UBE3B: variants seen among roughly 807,000 people sequenced by gnomAD.
UBE3B encodes ubiquitin-protein ligase E3B.
A neutral mutation model predicts 132.3 loss-of-function variants in UBE3B; 80 were observed. The ratio of observed to expected loss-of-function variants is 0.60; its 90% CI spans 0.50 to 0.73. UBE3B has a LOEUF of 0.73. UBE3B is among the 30% of genes least tolerant of loss of function. UBE3B has a pLI of 0.00. For missense variants in UBE3B, 1,196 were observed against 1,362.5 expected, an observed-to-expected ratio of 0.88 and a Z score of 1.92; for synonymous variants, 487 against 520.4, an observed-to-expected ratio of 0.94 and a Z score of 0.87.
In UBE3B at chr12:109,524,502, A is replaced by G; in HGVS notation, c.2567A>G (p.Gln856Arg). Residue 856 changes from glutamine (Q) to arginine (R), a missense_variant and splice_region_variant, in exon 23 of 28, where the codon CAG (glutamine) becomes CGG (arginine). Coordinates refer to ENST00000342494, the MANE Select transcript of UBE3B (RefSeq NM_130466.4). ...TLSYDEDVMG[Q>R]LVCHELIPGG... ...TCTTACGACGAGGACGTCATGGGTCAGGTAGGTCCGCCCTTTGGCTGAGCT... is the reference window on the plus strand; with the variant it reads ...TCTTACGACGAGGACGTCATGGGTCGGGTAGGTCCGCCCTTTGGCTGAGCT... 1 of 1,614,062 alleles carries G rather than the reference A, an allele frequency of 6.2e-7. No homozygotes were observed. The highest frequency in any genetic ancestry group is 1.1e-5 in the South Asian group (1 of 91,066).
intron 15 of UBE3B, 39 bp downstream of exon 15, chr12:109,507,774 A>G (rs1218368490): frequency 1.3e-6 from 2 of 1,588,844 alleles, no homozygotes; most frequent in South Asian, 2.3e-5. Context: ...CTTTCCTAGA[A>G]TATGGAGAGA....
At position 109,524,488 on chromosome 12, in the gene UBE3B, G is replaced by C. The variant is rs770427616; in HGVS notation, c.2553G>C (p.Glu851Asp). ...TGGGCCTGACGCTGTCTTACGACGA[G>C]GACGTCATGGGTCAGGTAGGTCCGC... ...TDLGLTLSYDEDVMGQLVCHE... is the reference protein window; with the variant it reads ...TDLGLTLSYDDDVMGQLVCHE... Residue 851 changes from glutamate to aspartate, a missense_variant, in exon 23 of 28, where the codon GAG becomes GAC. Glu to Asp is a conservative substitution (Grantham distance 45). Coordinates refer to ENST00000342494, the MANE Select transcript of UBE3B (RefSeq NM_130466.4). The C allele has an allele frequency of 7.4e-6, 12 of 1,614,158 alleles. No individual in the cohort carries two copies. The highest frequency in any genetic ancestry group is 2.2e-5 in the East Asian group (1 of 44,848).
chr12:109,487,810 G>A (rs1394148848), intron 6 of UBE3B, among the ~76,000 whole-genome samples: 1 of 152,130 alleles, frequency 6.6e-6, no homozygotes, highest in Non-Finnish European at 1.5e-5. Context: ...CATTTCCCAC[G>A]TGGCCTTGAA....
At chr12:109,517,033 C>A in intron 19 of UBE3B, 149 bp downstream of exon 19, 1 of 1,247,702 alleles carries the variant, frequency 8.0e-7, no homozygotes, top group Non-Finnish European at 1.1e-6. Flanking sequence ...GGTCATTTGT[C>A]CTGTTGACTG....
At chr12:109,510,543 C>A in intron 17 of UBE3B, 85 bp downstream of exon 17, 1 of 1,097,886 alleles carries the variant, frequency 9.1e-7, no homozygotes, top group Non-Finnish European at 1.3e-6. Flanking sequence ...TGTTCTAGGG[C>A]AGAGAGGACT....
Position 109,498,966 on chromosome 12 carries a change from C to T in UBE3B, c.940+613C>T, listed in dbSNP as rs114272666. Reference sequence around the variant, plus strand: ...TCAGCCTCCTGAGTAGCTGGGACTACAAGCGCACACTACCACGGCCGACTA... The same window carrying T: ...TCAGCCTCCTGAGTAGCTGGGACTATAAGCGCACACTACCACGGCCGACTA... On this transcript the variant is annotated intron_variant, in intron 11 of 27. Coordinates refer to ENST00000342494, the MANE Select transcript of UBE3B (RefSeq NM_130466.4). Among the ~76,000 whole-genome samples, 319 of 152,042 alleles carry T rather than the reference C, an allele frequency of 2.1e-3. 1 individual carries two copies. The highest frequency in any genetic ancestry group is 7.1e-3 in the African/African-American group (296 of 41,452).
At chr12:109,500,704 G>A (rs1328079704) in intron 12 of UBE3B, among the ~76,000 whole-genome samples, 5 of 152,200 alleles carry the variant, frequency 3.3e-5, no homozygotes, top group East Asian at 3.9e-4. Context: ...GGACTTGGAC[G>A]ACTTGCTTTG....
In UBE3B at chr12:109,536,138, G is replaced by A. The variant is rs1383022469; in HGVS notation, c.*1356G>A. ...TTCAGAGTTTCAGCTGCATCCTGGT[G>A]TCCCACCCAGGTCGAGCCCCCAGGC... On this transcript the variant is annotated 3_prime_UTR_variant, in exon 28 of 28. Coordinates refer to ENST00000342494, the MANE Select transcript of UBE3B (RefSeq NM_130466.4). 6.6e-6 allele frequency: 1 copy of A among 152,256 alleles called. No individual in the cohort carries two copies. Among genetic ancestry groups the A allele is most frequent in the African/African-American group, 2.4e-5 (1 of 41,460 alleles). 9.4% of individuals were successfully genotyped at this position (152,256 alleles called of 1,614,324 possible).
chr12:109,512,253 T>C (rs1486366210), intron 18 of UBE3B, among the ~76,000 whole-genome samples: 2 of 151,994 alleles, frequency 1.3e-5, no homozygotes, highest in Non-Finnish European at 2.9e-5. Context: ...CCCCATAACC[T>C]GGGCGAGGTG....
At chr12:109,517,880 G>A in intron 19 of UBE3B, 2 of 410,912 alleles carry the variant, frequency 4.9e-6, no homozygotes, top group Non-Finnish European at 1.0e-5. Context: ...TTCTCCCTCG[G>A]TGCATCGTAC....
chr12:109,516,694 T>C, intron 18 of UBE3B, 71 bp from the exon 19 acceptor site: 2 of 1,579,740 alleles, frequency 1.3e-6, no homozygotes, highest in East Asian at 4.5e-5. Context: ...TTCAGTCATT[T>C]TTGCAGAGTG....
intron 27 of UBE3B, chr12:109,533,853 C>A (rs1883207222): frequency 1.6e-6 from 2 of 1,218,756 alleles, no homozygotes; most frequent in Non-Finnish European, 2.2e-6. Flanking sequence ...CTGGCCTCAC[C>A]AGGGCTCCAG....
rs1390120171 is a variant in UBE3B at position 109,534,783 on chromosome 12, C to T, written c.*1C>T. 1 of 1,514,254 alleles carries T rather than the reference C, an allele frequency of 6.6e-7. No homozygotes were observed. The highest frequency in any genetic ancestry group is 2.1e-5 in the Admixed American group (1 of 47,640). 93.8% of individuals were successfully genotyped at this position (1,514,254 alleles called of 1,614,324 possible). A position where few individuals can be genotyped will look rare whatever the true frequency, so the allele number is the denominator to read the frequency against. On this transcript the variant is annotated 3_prime_UTR_variant, in exon 28 of 28. Coordinates refer to ENST00000342494, the MANE Select transcript of UBE3B (RefSeq NM_130466.4). This position sits in a 1 kb window ranked among gnomAD's most constrained non-coding sequence, Gnocchi z 5.2. ...GAACACGGGCTTTGAACTCTCCTAG[C>T]TCCTGTCCCAGCCCTGCCTCCAGGG... is the stretch of plus-strand genomic sequence containing the variant.
chr12:109,531,479 G>C (rs755377279), intron 26 of UBE3B, among the ~76,000 whole-genome samples: 1 of 152,180 alleles, frequency 6.6e-6, no homozygotes, highest in Non-Finnish European at 1.5e-5. Context: ...CCATGTTCTG[G>C]TGGTAAATTT....
intron 19 of UBE3B, among the ~76,000 whole-genome samples, chr12:109,518,531 A>G (rs191465272): frequency 6.6e-6 from 1 of 152,256 alleles, no homozygotes; most frequent in African/African-American, 2.4e-5. Context: ...CTCCCTTTCT[A>G]GCACTTCCCT....
Position 109,534,268 on chromosome 12 carries a change from C to T in UBE3B, c.3016-323C>T, listed in dbSNP as rs1347705344. The T allele has an allele frequency of 1.5e-6, 2 of 1,319,914 alleles. No homozygotes were observed. Among genetic ancestry groups the T allele is most frequent in the Non-Finnish European group, 1.9e-6 (2 of 1,027,112 alleles). The allele number at this position is 1,319,914 out of a possible 1,614,324, so 81.8% of individuals were successfully genotyped here. A position where few individuals can be genotyped will look rare whatever the true frequency, so the allele number is the denominator to read the frequency against. ...AGGAGTGCATTCAGAAATGTTTGGG[C>T]ACCTAACAGTTTTTACAGCATTCTA... On this transcript the variant is annotated intron_variant, in intron 27 of 27. Coordinates refer to ENST00000342494, the MANE Select transcript of UBE3B (RefSeq NM_130466.4). The surrounding 1 kb of genome is among the most constrained non-coding windows in gnomAD (Gnocchi z 5.2).
the UBE3B span, among the ~76,000 whole-genome samples, chr12:109,544,145 T>C: frequency 9.4e-3 from 1,437 of 152,198 alleles, 27 homozygotes; most frequent in African/African-American, 0.033. Context: ...ACCTGGAGTA[T>C]GGTCCCTGCA....
the UBE3B span, among the ~76,000 whole-genome samples, chr12:109,546,533 C>T: frequency 6.6e-6 from 1 of 152,244 alleles, no homozygotes; most frequent in Admixed American, 6.5e-5. Flanking sequence ...GAACCAGCTC[C>T]AGCCAGCAAC....
intron 5 of UBE3B, 54 bp downstream of exon 5, chr12:109,486,125 T>G: frequency 1.3e-6 from 2 of 1,533,104 alleles, no homozygotes; most frequent in Middle Eastern, 1.7e-4. Flanking sequence ...GCCAACCTAC[T>G]GGGCTCTGAA....
Sources: allele counts gnomAD v4.1 joint callset (sites outside exome capture counted in the v4.1 genomes callset), GRCh38; gene constraint gnomAD v4.1.1; non-coding constraint Gnocchi (gnomAD v3.1); transcripts MANE v1.5; gene names NCBI Gene and HGNC (gene_info 2026-07-23, HGNC 2026-07-21).